PMM2: variants seen among roughly 807,000 people sequenced by gnomAD.
PMM2 encodes mannose-6-phosphate isomerase.
PMM2 carries 35 observed loss-of-function variants against 33.2 expected under a neutral mutation model. That is an observed-to-expected ratio of 1.06 (90% confidence interval 0.81 to 1.40). PMM2 has a LOEUF of 1.40. Among genes scored for constraint, PMM2 ranks in the 40% most tolerant of loss-of-function variants. PMM2 has a pLI of 0.00. For synonymous variants in PMM2, 153 were observed against 114.7 expected (o/e 1.33, Z -2.13); for missense variants, 386 against 306.0 (o/e 1.26, Z -1.95).
At chr16:8,803,668 A>T (rs1397168608) in intron 2 of PMM2, among the ~76,000 whole-genome samples, 1 of 152,086 alleles carries the variant, frequency 6.6e-6, no homozygotes, top group Non-Finnish European at 1.5e-5. Flanking sequence ...ATCACTGAAG[A>T]GCTTTTTTTA....
chr16:8,845,488 A>G (rs2141049519), intron 7 of PMM2, among the ~76,000 whole-genome samples: 1 of 152,270 alleles, frequency 6.6e-6, no homozygotes, highest in South Asian at 2.1e-4. Context: ...TGTTGTGTTA[A>G]TGTGTGAATA....
Position 8,844,436 on chromosome 16 carries a change from C to A in PMM2, c.640-3288C>A, listed in dbSNP as rs541939220. Among the ~76,000 whole-genome samples the A allele has an allele frequency of 3.9e-5, 6 of 152,072 alleles. No individual in the cohort carries two copies. The South Asian group carries it at 1.3e-3, about 32-fold the overall frequency. On this transcript the variant is annotated intron_variant, in intron 7 of 7. Coordinates refer to ENST00000268261, the MANE Select transcript of PMM2 (RefSeq NM_000303.3). Reference sequence around the variant, plus strand: ...ATACGAGTTTGGGGTACTTGCCTCTCCCCCAGAAAAGCGGGACTTGCCGCT... The same window carrying A: ...ATACGAGTTTGGGGTACTTGCCTCTACCCCAGAAAAGCGGGACTTGCCGCT...
rs1184303803 is a variant in PMM2 at position 8,848,119 on chromosome 16, TG to T, written c.*296del. 3.5e-5 allele frequency: 14 copies of T among 400,404 alleles called. No individual in the cohort carries two copies. In the East Asian group the frequency reaches 7.4e-4, roughly 21 times the overall value. The allele number at this position is 400,404 out of a possible 1,614,324, so 24.8% of individuals were successfully genotyped here. On this transcript the variant is annotated 3_prime_UTR_variant, in exon 8 of 8. Coordinates refer to ENST00000268261, the MANE Select transcript of PMM2 (RefSeq NM_000303.3). Reference sequence around the variant, plus strand: ...CCTGATACGTGCAATCATGTAGTTTTGGCGGAAATTTCCCCATCATTCTAGG... The same window carrying T: ...CCTGATACGTGCAATCATGTAGTTTTGCGGAAATTTCCCCATCATTCTAGG...
At chr16:8,828,340 A>C (rs1335394329) in intron 7 of PMM2, among the ~76,000 whole-genome samples, 4 of 152,104 alleles carry the variant, frequency 2.6e-5, no homozygotes, top group Admixed American at 1.3e-4. Context: ...ATGGCACACA[A>C]AAAAAACTTA....
intron 7 of PMM2, among the ~76,000 whole-genome samples, chr16:8,836,042 G>C (rs11865562): frequency 0.51 from 75,912 of 149,504 alleles, 19,726 homozygotes; most frequent in South Asian, 0.55. Flanking sequence ...GCTTAAAAGA[G>C]TAATGTCTAA....
chr16:8,804,925 A>G (rs2060638585), intron 3 of PMM2, 82 bp downstream of exon 3: 2 of 860,590 alleles, frequency 2.3e-6, no homozygotes, highest in Non-Finnish European at 4.0e-6. Context: ...GCCTCTAGGA[A>G]GATGAGGAAC....
rs553230630 is a variant in PMM2 at position 8,821,900 on chromosome 16, C to T, written c.639+8794C>T. Among the ~76,000 whole-genome samples the T allele has an allele frequency of 7.9e-5, 12 of 152,384 alleles. No homozygotes were observed. In the East Asian group the frequency reaches 1.2e-3, roughly 15 times the overall value. On this transcript the variant is annotated intron_variant, in intron 7 of 7. Coordinates refer to ENST00000268261, the MANE Select transcript of PMM2 (RefSeq NM_000303.3). ...CAGGGACTCTAGCCAGGGAGAGCCA[C>T]TACTGCTCTACGCCATTTCAGAGCA...
rs181220211 is a variant in PMM2 at position 8,818,284 on chromosome 16, T to A, written c.639+5178T>A. ...TCCCTTGCAGAGGCACGTTGGGTGG[T>A]TTAAGGGGTTTTGCTATCATAACTA... On this transcript the variant is annotated intron_variant, in intron 7 of 7. Transcript: ENST00000268261. Among the ~76,000 whole-genome samples the A allele has an allele frequency of 6.6e-5, 10 of 152,272 alleles. No individual in the cohort carries two copies. The East Asian group carries it at 1.3e-3, about 21-fold the overall frequency.
At chr16:8,827,857 GTTATATA>G (rs1386026693) in intron 7 of PMM2, among the ~76,000 whole-genome samples, 3 of 74,952 alleles carry the variant, frequency 4.0e-5, no homozygotes, top group Non-Finnish European at 5.3e-5. Flanking sequence ...TAATATATAT[GTTATATA>G]TTATATATAT....
At chr16:8,843,332 A>G (rs1196625713) in intron 7 of PMM2, among the ~76,000 whole-genome samples, 1 of 152,164 alleles carries the variant, frequency 6.6e-6, no homozygotes, top group Non-Finnish European at 1.5e-5. Flanking sequence ...GGGGCTTCCA[A>G]GGCGATTGGG....
chr16:8,842,016 G>C (rs1418632656), intron 7 of PMM2, among the ~76,000 whole-genome samples: 1 of 151,030 alleles, frequency 6.6e-6, no homozygotes, highest in Non-Finnish European at 1.5e-5. Context: ...GCCGCTGCAC[G>C]CAGACATGAG....
chr16:8,811,672 T>A lies in PMM2; in HGVS notation c.482T>A (p.Leu161Gln). Reference sequence around the variant, plus strand: ...ATAAGACAAAAGTTTGTAGCAGATCTACGGAAAGAGTTTGCTGGAAAAGGC... The same window carrying A: ...ATAAGACAAAAGTTTGTAGCAGATCAACGGAAAGAGTTTGCTGGAAAAGGC... ...ENIRQKFVAD[L>Q]RKEFAGKGLT... is the part of the protein sequence containing the mutation. Residue 161 changes from leucine (L) to glutamine (Q), a missense_variant, in exon 6 of 8, where the codon CTA becomes CAA. Coordinates refer to ENST00000268261, the MANE Select transcript of PMM2 (RefSeq NM_000303.3). The A allele has an allele frequency of 1.2e-6, 2 of 1,613,354 alleles. No individual in the cohort carries two copies. Among genetic ancestry groups the A allele is most frequent in the South Asian group, 2.2e-5 (2 of 91,062 alleles).
chr16:8,844,164 C>A (rs961102245), intron 7 of PMM2, among the ~76,000 whole-genome samples: 1 of 152,136 alleles, frequency 6.6e-6, no homozygotes, highest in Non-Finnish European at 1.5e-5. Flanking sequence ...GGTCAAGCGG[C>A]ATTGCAGAAG....
At chr16:8,818,459 A>G (rs895813666) in intron 7 of PMM2, among the ~76,000 whole-genome samples, 1 of 152,246 alleles carries the variant, frequency 6.6e-6, no homozygotes, top group African/African-American at 2.4e-5. Flanking sequence ...GAGCAATCCA[A>G]ATACTAGCCT....
At chr16:8,801,525 G>A (rs1737452126) in intron 1 of PMM2, among the ~76,000 whole-genome samples, 1 of 152,104 alleles carries the variant, frequency 6.6e-6, no homozygotes, top group African/African-American at 2.4e-5. Flanking sequence ...AAAAAAATTA[G>A]CCAGGTGTGC....
Position 8,848,990 on chromosome 16 carries a change from G to GAAA in PMM2, c.*1166_*1167insAAA, listed in dbSNP as rs1263134607. On this transcript the variant is annotated 3_prime_UTR_variant, in exon 8 of 8. Coordinates refer to ENST00000268261, the MANE Select transcript of PMM2 (RefSeq NM_000303.3). ...TCACTTTTCAGGATGTGGAAACACT[G>GAAA]AGCCATACACCCTCCATTGCTTGGT... 1 of 152,242 alleles carries GAAA rather than the reference G, an allele frequency of 6.6e-6. No homozygotes were observed. The highest frequency in any genetic ancestry group is 1.5e-5 in the Non-Finnish European group (1 of 68,060). 9.4% of individuals were successfully genotyped at this position (152,242 alleles called of 1,614,324 possible).
intron 7 of PMM2, among the ~76,000 whole-genome samples, chr16:8,845,550 GGC>G (rs1241896676): frequency 6.6e-6 from 1 of 152,000 alleles, no homozygotes; most frequent in Non-Finnish European, 1.5e-5. Context: ...GCTCTTTTGA[GGC>G]ATGTGAGAGT....
rs1318427176 is a variant in PMM2 at position 8,832,793 on chromosome 16, G to GCCCGGC, written c.640-14927_640-14922dup. On this transcript the variant is annotated intron_variant, in intron 7 of 7. Coordinates refer to ENST00000268261, the MANE Select transcript of PMM2 (RefSeq NM_000303.3). ...ACCACAATCTGTGAGGCCCGCTGTG[G>GCCCGGC]CCCGGCCCCAGCCCCTGCCCATCCT... The GCCCGGC allele has an allele frequency of 4.5e-5, 44 of 985,384 alleles. 1 individual carries two copies. The highest frequency in any genetic ancestry group is 5.2e-4 in the Middle Eastern group (1 of 1,914). 61.0% of individuals were successfully genotyped at this position (985,384 alleles called of 1,614,324 possible).
At position 8,797,869 on chromosome 16, in the gene PMM2, T is replaced by A. The variant is rs1297827631; in HGVS notation, c.-14T>A. The A allele has an allele frequency of 6.2e-7, 1 of 1,610,938 alleles. No homozygotes were observed. Among genetic ancestry groups the A allele is most frequent in the Non-Finnish European group, 8.5e-7 (1 of 1,178,990 alleles). On this transcript the variant is annotated 5_prime_UTR_variant, in exon 1 of 8. Coordinates refer to ENST00000268261, the MANE Select transcript of PMM2 (RefSeq NM_000303.3). Reference sequence around the variant, plus strand: ...GCCAACGTGTCTTGTAAGGTGCGGCTAGAAACTGGGGACATGGCAGCGCCT... The same window carrying A: ...GCCAACGTGTCTTGTAAGGTGCGGCAAGAAACTGGGGACATGGCAGCGCCT...
Sources: gnomAD v4.1 joint callset for allele counts (sites outside exome capture counted in the v4.1 genomes callset) on GRCh38, gnomAD v4.1.1 for gene constraint, MANE v1.5 for transcripts, NCBI Gene and HGNC (gene_info 2026-07-23, HGNC 2026-07-21) for gene names.